Variants in AOX1 observed in about 807,000 individuals in gnomAD.
AOX1 encodes aldehyde oxidase 1, also known as aldehyde oxidase.
Under a neutral mutation model 169.5 loss-of-function variants are expected in AOX1, and 153 were observed. The observed-to-expected ratio is 0.90, with a 90% CI of 0.79 to 1.03. The LOEUF (loss-of-function observed/expected upper bound fraction) is 1.03, where lower values mean the gene tolerates loss of function less well. AOX1 is among the 50% of genes least tolerant of loss of function. The probability of loss-of-function intolerance (pLI) is 0.00; values close to 1 mark genes in which losing one functional copy is unlikely to be tolerated. For synonymous variants in AOX1, 562 were observed against 581.9 expected (o/e 0.97, Z 0.49); for missense variants, 1,656 against 1,663.9 (o/e 1.00, Z 0.08).
At chr2:200,663,764 C>A (rs1242081612) in intron 31 of AOX1, among the ~76,000 whole-genome samples, 2 of 152,062 alleles carry the variant, frequency 1.3e-5, no homozygotes, top group African/African-American at 2.4e-5. Flanking sequence ...TGTGACCAAG[C>A]TACCAGTTTA....
At chr2:200,674,358 A>C (rs1460081269), downstream of AOX1, among the ~76,000 whole-genome samples, 1 of 151,930 alleles carries the variant, frequency 6.6e-6, no homozygotes, top group Non-Finnish European at 1.5e-5. Context: ...TATGTGGAAA[A>C]CAGGAGTGGT....
intron 16 of AOX1, among the ~76,000 whole-genome samples, chr2:200,616,534 A>G (rs571445599): frequency 6.6e-6 from 1 of 152,286 alleles, no homozygotes; most frequent in South Asian, 2.1e-4. Flanking sequence ...ATGTTAAGAT[A>G]TTTTACTCCC....
rs141786030 is a variant in AOX1, at chr2:200,669,588, C to T, written c.3812C>T (p.Ser1271Leu). The part of the protein sequence containing the change: ...TLYSSKGLGE[S>L]GVFLGCSVFF... The stretch of plus-strand genomic sequence containing the variant: ...CTTCCTTTCAAGGGTCTGGGAGAGT[C>T]GGGGGTGTTCCTGGGGTGTTCCGTG... The change falls in exon 34 of 35, where the codon TCG becomes TTG. Residue 1271 changes from serine (S) to leucine (L), a missense_variant. Physicochemically the swap from Ser to Leu is moderately radical, Grantham distance 145. Coordinates refer to ENST00000374700, the MANE Select transcript of AOX1 (RefSeq NM_001159.4). 478 of 1,613,426 alleles carry T rather than the reference C, an allele frequency of 3.0e-4. No individual in the cohort carries two copies. Among genetic ancestry groups the T allele is most frequent in the South Asian group, 6.6e-4 (60 of 91,054 alleles).
In AOX1 at chr2:200,670,857, T is replaced by G. The variant is rs1472831279; in HGVS notation, c.*178T>G. On this transcript the variant is annotated 3_prime_UTR_variant, in exon 35 of 35. Transcript: ENST00000374700. ...GTATTCCATTTAGATTTGATAGATA[T>G]GCTTAAGCAATCTATAAATCATTTT... 7 of 532,828 alleles carry G rather than the reference T, an allele frequency of 1.3e-5. No homozygotes were observed. In the African/African-American group the frequency reaches 1.3e-4, roughly 10 times the overall value. 33.0% of individuals were successfully genotyped at this position (532,828 alleles called of 1,614,324 possible).
intron 12 of AOX1, among the ~76,000 whole-genome samples, chr2:200,610,649 A>G (rs948293676): frequency 2.0e-5 from 3 of 152,160 alleles, no homozygotes; most frequent in Admixed American, 6.6e-5. Context: ...TCATGACTGT[A>G]TCTAGTGGGG....
chr2:200,619,240 C>T (rs1303003496), intron 16 of AOX1, among the ~76,000 whole-genome samples: 1 of 152,120 alleles, frequency 6.6e-6, no homozygotes, highest in Non-Finnish European at 1.5e-5. Context: ...TGATGTGTAG[C>T]CTGGCATTGT....
At chr2:200,660,680 G>T (rs1042129875) in intron 29 of AOX1, among the ~76,000 whole-genome samples, 7 of 152,176 alleles carry the variant, frequency 4.6e-5, no homozygotes, top group African/African-American at 1.7e-4. Flanking sequence ...CATAAAAGCT[G>T]GGAGCATGTG....
chr2:200,637,052 G>A lies in AOX1; in HGVS notation c.2480+8G>A. 1.9e-6 allele frequency: 3 copies of A among 1,613,500 alleles called. No individual in the cohort carries two copies. The highest frequency in any genetic ancestry group is 2.5e-6 in the Non-Finnish European group (3 of 1,179,790). ...TGCATTTGCCGCAAACAAGTAAGTG[G>A]AGAAAATCTGCTAAAAATAAAGTGA... On this transcript the variant is annotated splice_region_variant and intron_variant, in intron 22 of 34. Transcript: ENST00000374700.
chr2:200,595,593 G>A (rs2463489), intron 3 of AOX1, among the ~76,000 whole-genome samples: 3 of 151,948 alleles, frequency 2.0e-5, no homozygotes, highest in East Asian at 3.9e-4. Flanking sequence ...CCCCATCAAA[G>A]CCAGGTACAG....
intron 23 of AOX1, 54 bp from the exon 24 acceptor site, chr2:200,641,044 A>G: frequency 7.3e-7 from 1 of 1,376,030 alleles, no homozygotes; most frequent in Non-Finnish European, 1.0e-6. Flanking sequence ...AAATGACAAA[A>G]TTTGGAGAGA....
chr2:200,607,436 AGAATGGTGATTATTAAAAAG>A (rs2034538407), intron 10 of AOX1, among the ~76,000 whole-genome samples: 1 of 152,248 alleles, frequency 6.6e-6, no homozygotes, highest in East Asian at 1.9e-4. Context: ...CATGCCAGTC[AGAATGGTGATTATTAAAAAG>A]TCAGGAAACA....
chr2:200,616,656 A>C (rs2034764365), intron 16 of AOX1, among the ~76,000 whole-genome samples: 1 of 152,236 alleles, frequency 6.6e-6, no homozygotes, highest in Non-Finnish European at 1.5e-5. Context: ...AGAAAACAGG[A>C]TTCCTAACTC....
chr2:200,659,097 A>ACC, intron 27 of AOX1, 68 bp from the exon 28 acceptor site: 1 of 1,512,120 alleles, frequency 6.6e-7, no homozygotes, highest in Non-Finnish European at 9.1e-7. Flanking sequence ...ATGTGTTACC[A>ACC]CGTGGGCATG....
chr2:200,623,706 T>G (rs1446344254), intron 18 of AOX1, among the ~76,000 whole-genome samples, 155 bp from the exon 19 acceptor site: 1 of 152,190 alleles, frequency 6.6e-6, no homozygotes, highest in East Asian at 1.9e-4. Context: ...AGGCCAGCTG[T>G]GGTTATAGTC....
chr2:200,674,009 A>G (rs1472524083), downstream of AOX1, among the ~76,000 whole-genome samples: 1 of 152,244 alleles, frequency 6.6e-6, no homozygotes, highest in Non-Finnish European at 1.5e-5. Flanking sequence ...TCAGGCAAGC[A>G]AAAGCTATAC....
At chr2:200,622,648 C>A (rs1452773845) in intron 18 of AOX1, among the ~76,000 whole-genome samples, 1 of 152,168 alleles carries the variant, frequency 6.6e-6, no homozygotes, top group East Asian at 1.9e-4. Context: ...TGAAACTGAT[C>A]TTGGCTGCAT....
chr2:200,609,088 C>T lies in AOX1; in HGVS notation c.1012C>T (p.Leu338=). 6.2e-7 allele frequency: 1 copy of T among 1,614,036 alleles called. No homozygotes were observed. Among genetic ancestry groups the T allele is most frequent in the Middle Eastern group, 1.7e-4 (1 of 6,052 alleles). ...GAAGACACAGATGTACCATGCTCTC[C>T]TGAAGCATTTGGGAACTCTGGCTGG... The part of the protein sequence containing the change: ...EEKTQMYHAL[L]KHLGTLAGSQ... Residue 338 remains leucine, a synonymous_variant, in exon 11 of 35, where the codon CTG becomes TTG. Coordinates refer to ENST00000374700, the MANE Select transcript of AOX1 (RefSeq NM_001159.4).
chr2:200,619,367 C>T (rs995416826), intron 16 of AOX1, among the ~76,000 whole-genome samples: 5 of 152,094 alleles, frequency 3.3e-5, no homozygotes, highest in Non-Finnish European at 5.9e-5. Flanking sequence ...GACTGCATGC[C>T]CCTCACCCCC....
chr2:200,594,259 C>T (rs540831674), intron 2 of AOX1, among the ~76,000 whole-genome samples: 112 of 152,272 alleles, frequency 7.4e-4, no homozygotes, highest in Non-Finnish European at 1.2e-3. Context: ...CTCCATGTCT[C>T]TCCATAGCAC....
Sources: allele counts gnomAD v4.1 joint callset (sites outside exome capture counted in the v4.1 genomes callset), GRCh38; gene constraint gnomAD v4.1.1; transcripts MANE v1.5; gene names NCBI Gene and HGNC (gene_info 2026-07-23, HGNC 2026-07-21).